Variants in ATP8A1 observed in about 807,000 individuals in gnomAD.
ATP8A1 encodes phospholipid-transporting ATPase IA.
Under a neutral mutation model 177.7 loss-of-function variants are expected in ATP8A1, and 90 were observed. The ratio of observed to expected loss-of-function variants is 0.51; its 90% confidence interval spans 0.43 to 0.60. The LOEUF is 0.60. Among genes scored for constraint, ATP8A1 ranks in the 20% least tolerant of loss-of-function variants. ATP8A1 has a pLI of 0.00. For synonymous variants in ATP8A1, 493 were observed against 485.9 expected (o/e 1.01, Z -0.19); for missense variants, 1,072 against 1,392.8 (o/e 0.77, Z 3.67).
Position 42,426,321 on chromosome 4 carries a change from G to A in ATP8A1, c.3124-2616C>T, listed in dbSNP as rs539919424. On this transcript the variant is annotated intron_variant, in intron 33 of 36. Transcript: ENST00000381668. Reference sequence around the variant, plus strand: ...CACCTGCCTACAAACTAACGGCATGGTTCTTCAGTCTACCTCTATGTGTTT... The same window carrying A: ...CACCTGCCTACAAACTAACGGCATGATTCTTCAGTCTACCTCTATGTGTTT... 3.3e-5 allele frequency among the ~76,000 whole-genome samples: 5 copies of A among 152,282 alleles called. No individual in the cohort carries two copies. In the South Asian group the frequency reaches 1.0e-3, roughly 32 times the overall value.
chr4:42,477,290 C>T (rs905045915), intron 25 of ATP8A1, among the ~76,000 whole-genome samples: 12 of 152,070 alleles, frequency 7.9e-5, no homozygotes, highest in South Asian at 2.1e-4. Flanking sequence ...AACAACAAGG[C>T]GTCATTTCAC....
chr4:42,530,310 G>A (rs1370636216), intron 20 of ATP8A1, among the ~76,000 whole-genome samples: 9 of 152,214 alleles, frequency 5.9e-5, no homozygotes, highest in Non-Finnish European at 1.3e-4. Flanking sequence ...ACCATTCCTT[G>A]GGGTGATCAG....
At chr4:42,577,476 C>A (rs2109334481) in intron 12 of ATP8A1, among the ~76,000 whole-genome samples, 1 of 152,168 alleles carries the variant, frequency 6.6e-6, no homozygotes, top group East Asian at 1.9e-4. Context: ...TAATATTGTT[C>A]ATATTGAAAG....
At chr4:42,656,252 A>G (rs2109602810) in intron 1 of ATP8A1, among the ~76,000 whole-genome samples, 1 of 152,318 alleles carries the variant, frequency 6.6e-6, no homozygotes, top group African/African-American at 2.4e-5. Context: ...GCAAAAGGGA[A>G]ACACAAAAAC....
intron 33 of ATP8A1, among the ~76,000 whole-genome samples, chr4:42,428,554 C>T (rs984462252): frequency 5.9e-5 from 9 of 152,214 alleles, no homozygotes; most frequent in Non-Finnish European, 1.3e-4. Context: ...ATTTGCCTGT[C>T]CTCCTAGCTG....
intron 1 of ATP8A1, among the ~76,000 whole-genome samples, chr4:42,636,152 A>ACGCGCGCGTGCGCG (rs1276251388): frequency 0.012 from 416 of 33,758 alleles, 3 homozygotes; most frequent in South Asian, 0.029. Flanking sequence ...ACACACACAC[A>ACGCGCGCGTGCGCG]CACACGCACA....
At position 42,522,315 on chromosome 4, in the gene ATP8A1, TAC is replaced by T. The variant is rs1560418524; in HGVS notation, c.1808-18_1808-17del. 6.2e-6 allele frequency: 10 copies of T among 1,611,972 alleles called. No individual in the cohort carries two copies. The highest frequency in any genetic ancestry group is 8.5e-6 in the Non-Finnish European group (10 of 1,179,516). The stretch of plus-strand genomic sequence containing the variant: ...GTTCTTAACCCTGAAAAAGATAGCA[TAC>T]ATCACCCCAACACACCAAAGATTTT... On this transcript the variant is annotated splice_polypyrimidine_tract_variant and intron_variant, in intron 21 of 36. Coordinates refer to ENST00000381668, the MANE Select transcript of ATP8A1 (RefSeq NM_006095.2).
intron 35 of ATP8A1, among the ~76,000 whole-genome samples, chr4:42,421,647 T>C (rs1485067489): frequency 6.6e-6 from 1 of 152,144 alleles, no homozygotes; most frequent in African/African-American, 2.4e-5. Flanking sequence ...TTCAGCATAA[T>C]GAGAGCAAGA....
chr4:42,629,305 A>G (rs556920862), intron 1 of ATP8A1, among the ~76,000 whole-genome samples: 1 of 152,362 alleles, frequency 6.6e-6, no homozygotes, highest in South Asian at 2.1e-4. Flanking sequence ...CAGGGGTAGG[A>G]CCATCGAAGA....
chr4:42,415,772 T>G (rs1713176461), intron 35 of ATP8A1, among the ~76,000 whole-genome samples: 1 of 152,184 alleles, frequency 6.6e-6, no homozygotes, highest in Admixed American at 6.5e-5. Context: ...GTTCTGTATT[T>G]TGCCAATTTT....
chr4:42,476,938 T>TA lies in ATP8A1; in HGVS notation c.2324+8557dup, dbSNP rs532556497. On this transcript the variant is annotated intron_variant, in intron 25 of 36. Coordinates refer to ENST00000381668, the MANE Select transcript of ATP8A1 (RefSeq NM_006095.2). ...AGCGTACTACTTTTCTTCATAGCAA[T>TA]ATTACCACTGATTTTATATATGTCT... Among the ~76,000 whole-genome samples the TA allele has an allele frequency of 2.2e-3, 331 of 152,350 alleles. 3 individuals are homozygous for TA. Among genetic ancestry groups the TA allele is most frequent in the Non-Finnish European group, 2.6e-3 (176 of 68,034 alleles).
intron 20 of ATP8A1, among the ~76,000 whole-genome samples, chr4:42,527,001 ACT>A (rs1474113350): frequency 6.6e-6 from 1 of 152,174 alleles, no homozygotes; most frequent in African/African-American, 2.4e-5. Context: ...GAGTTTAGTG[ACT>A]CTATACATAA....
intron 33 of ATP8A1, among the ~76,000 whole-genome samples, chr4:42,426,122 T>C (rs1714588058): frequency 6.6e-6 from 1 of 152,102 alleles, no homozygotes. Context: ...TTTGAGAAAA[T>C]ACGAGTTTAT....
intron 14 of ATP8A1, among the ~76,000 whole-genome samples, chr4:42,573,122 T>C (rs1560473924): frequency 6.6e-6 from 1 of 152,200 alleles, no homozygotes; most frequent in Non-Finnish European, 1.5e-5. Flanking sequence ...AAACAGAGGC[T>C]AGATCTGATT....
rs562840927 is a variant in ATP8A1 at position 42,584,427 on chromosome 4, G to A, written c.722+1922C>T. 3.2e-4 allele frequency among the ~76,000 whole-genome samples: 49 copies of A among 152,200 alleles called. No individual in the cohort carries two copies. In the South Asian group the frequency reaches 4.1e-3, roughly 13 times the overall value. ...CTTCCATTTTCTCAAACTCACTATCGTCAGGCACCTGTTCTAATCAATTTC... is the reference window on the plus strand; with the variant it reads ...CTTCCATTTTCTCAAACTCACTATCATCAGGCACCTGTTCTAATCAATTTC... On this transcript the variant is annotated intron_variant, in intron 9 of 36. Transcript: ENST00000381668.
intron 24 of ATP8A1, 135 bp downstream of exon 24, chr4:42,503,315 T>A (rs1412330783): frequency 1.9e-5 from 10 of 536,050 alleles, no homozygotes; most frequent in Admixed American, 3.7e-5. Context: ...GAGTACATTA[T>A]GTTAAAACAG....
At chr4:42,620,619 C>G (rs375086021) in intron 4 of ATP8A1, among the ~76,000 whole-genome samples, 3 of 152,156 alleles carry the variant, frequency 2.0e-5, no homozygotes, top group African/African-American at 7.2e-5. Flanking sequence ...AGCCAAAATG[C>G]CTTGTTTGGA....
At chr4:42,549,520 T>C (rs1274143414) in intron 18 of ATP8A1, among the ~76,000 whole-genome samples, 7 of 152,092 alleles carry the variant, frequency 4.6e-5, no homozygotes, top group Non-Finnish European at 4.4e-5. Flanking sequence ...CCAGGTCTGG[T>C]GGCCATGCCT....
At chr4:42,652,955 G>A (rs138115195) in intron 1 of ATP8A1, among the ~76,000 whole-genome samples, 136 of 127,998 alleles carry the variant, frequency 1.1e-3, no homozygotes, top group African/African-American at 3.3e-3. Flanking sequence ...TCCCCTCACC[G>A]TTCCTAATTC....
Sources: allele counts gnomAD v4.1 joint callset (sites outside exome capture counted in the v4.1 genomes callset), GRCh38; gene constraint gnomAD v4.1.1; transcripts MANE v1.5; gene names NCBI Gene and HGNC (gene_info 2026-07-23, HGNC 2026-07-21).